Variants in RASAL2 observed in about 807,000 individuals in gnomAD.
RASAL2 encodes ras GTPase-activating protein nGAP.
RASAL2 carries 58 observed loss-of-function variants against 128.9 expected under a neutral mutation model. That is an observed-to-expected ratio of 0.45 (90% confidence interval 0.36 to 0.56). RASAL2 has a LOEUF of 0.56. Among genes scored for constraint, RASAL2 ranks in the 20% least tolerant of loss-of-function variants. RASAL2 has a pLI of 0.00. For missense variants in RASAL2, 1,360 were observed against 1,601.6 expected (o/e 0.85, Z 2.57); for synonymous variants, 561 against 580.8 (o/e 0.97, Z 0.49).
rs553915782 is a variant in RASAL2 at position 178,277,942 on chromosome 1, A to G, written c.203-5622A>G. Among the ~76,000 whole-genome samples the G allele has an allele frequency of 2.9e-4, 44 of 152,290 alleles. No homozygotes were observed. The South Asian group carries it at 5.0e-3, about 17-fold the overall frequency. ...ATAGTGTTACAGTCTCACCAATGCA[A>G]CACAGTGTAGTGTCTGTTATTGTGA... is the stretch of plus-strand genomic sequence containing the variant. On this transcript the variant is annotated intron_variant, in intron 1 of 17. Coordinates refer to ENST00000367649, the MANE Select transcript of RASAL2 (RefSeq NM_170692.4).
intron 3 of RASAL2, chr1:178,341,351 AG>A: frequency 8.9e-7 from 1 of 1,118,472 alleles, no homozygotes; most frequent in Non-Finnish European, 1.2e-6. Flanking sequence ...TGAGTAAGGA[AG>A]GGTGGCTATT....
chr1:178,320,149 G>A (rs1230028251), intron 3 of RASAL2, among the ~76,000 whole-genome samples: 1 of 151,942 alleles, frequency 6.6e-6, no homozygotes. Context: ...CAGTCTGCCG[G>A]TTCTCAGATC....
At chr1:178,387,204 A>C (rs1672627199) in intron 3 of RASAL2, among the ~76,000 whole-genome samples, 1 of 152,142 alleles carries the variant, frequency 6.6e-6, no homozygotes, top group Non-Finnish European at 1.5e-5. Context: ...ACTTCTTTTC[A>C]TTAGGTGATT....
intron 12 of RASAL2, among the ~76,000 whole-genome samples, chr1:178,455,511 A>G (rs1677708990): frequency 6.6e-6 from 1 of 152,248 alleles, no homozygotes; most frequent in Admixed American, 6.5e-5. Context: ...CTATTAACAA[A>G]GACCACTTTG....
intron 1 of RASAL2, among the ~76,000 whole-genome samples, chr1:178,196,641 G>T (rs548694546): frequency 7.9e-5 from 12 of 152,326 alleles, no homozygotes; most frequent in South Asian, 2.1e-4. Context: ...AAGAGGATGT[G>T]CCTGGGCTGT....
chr1:178,353,509 T>C (rs569381638), intron 3 of RASAL2, among the ~76,000 whole-genome samples: 62 of 152,354 alleles, frequency 4.1e-4, no homozygotes, highest in South Asian at 2.5e-3. Flanking sequence ...ATCAGTATTT[T>C]GGTCACAACC....
chr1:178,133,232 T>C (rs1660186558), intron 1 of RASAL2, among the ~76,000 whole-genome samples: 1 of 152,242 alleles, frequency 6.6e-6, no homozygotes, highest in South Asian at 2.1e-4. Flanking sequence ...TTTAGTAAAC[T>C]TGTCTGAGGC....
intron 3 of RASAL2, among the ~76,000 whole-genome samples, chr1:178,322,785 T>C (rs1240306976): frequency 6.6e-6 from 1 of 152,244 alleles, no homozygotes; most frequent in Non-Finnish European, 1.5e-5. Flanking sequence ...TCCACTGATC[T>C]ATAAGATGAG....
chr1:178,363,640 CT>C (rs1340501856), intron 3 of RASAL2, among the ~76,000 whole-genome samples: 1 of 152,166 alleles, frequency 6.6e-6, no homozygotes, highest in African/African-American at 2.4e-5. Context: ...GTCAAATACC[CT>C]GTTCAGATAT....
intron 1 of RASAL2, among the ~76,000 whole-genome samples, chr1:178,231,211 G>A (rs539146664): frequency 2.6e-5 from 4 of 151,836 alleles, no homozygotes; most frequent in Non-Finnish European, 5.9e-5. Flanking sequence ...CACCTGACAT[G>A]CCTGGTGGTC....
At chr1:178,221,210 A>G (rs1031565332) in intron 1 of RASAL2, among the ~76,000 whole-genome samples, 4 of 152,090 alleles carry the variant, frequency 2.6e-5, no homozygotes, top group Non-Finnish European at 4.4e-5. Context: ...CTTATTTACC[A>G]TTTGTATGTC....
At chr1:178,342,452 T>C (rs1373422405) in intron 3 of RASAL2, among the ~76,000 whole-genome samples, 1 of 152,214 alleles carries the variant, frequency 6.6e-6, no homozygotes, top group East Asian at 1.9e-4. Flanking sequence ...ATAGACCAAG[T>C]ACATCATAAA....
chr1:178,327,284 A>T (rs1447045058), intron 3 of RASAL2, among the ~76,000 whole-genome samples: 1 of 152,152 alleles, frequency 6.6e-6, no homozygotes, highest in East Asian at 1.9e-4. Context: ...CTTAGATAAC[A>T]GAAAATTATT....
chr1:178,290,838 G>C (rs1024696416), intron 2 of RASAL2, among the ~76,000 whole-genome samples: 1 of 151,910 alleles, frequency 6.6e-6, no homozygotes, highest in Non-Finnish European at 1.5e-5. Context: ...ACCACGCACG[G>C]CTAATTTTTT....
Position 178,452,495 on chromosome 1 carries a change from G to A in RASAL2, c.1852G>A (p.Glu618Lys), listed in dbSNP as rs370985494. ...GAACCGTGGCAAGCAAGACATCAGC[G>A]AGAGGCTCATCAGTGCCTCATTATT... Reference protein sequence around the residue: ...CLNRGKQDISERLISASLFLR... With the variant: ...CLNRGKQDISKRLISASLFLR... Residue 618 changes from glutamate (E) to lysine (K), a missense_variant, in exon 11 of 18, where the codon GAG becomes AAG. This residue lies in a region of RASAL2 where 741 missense variants were observed against 868.6 expected (regional missense o/e 0.85). Coordinates refer to ENST00000367649, the MANE Select transcript of RASAL2 (RefSeq NM_170692.4). The A allele has an allele frequency of 1.4e-5, 23 of 1,614,078 alleles. No homozygotes were observed. Among genetic ancestry groups the A allele is most frequent in the African/African-American group, 1.2e-4 (9 of 75,014 alleles).
intron 12 of RASAL2, 155 bp from the exon 13 acceptor site, chr1:178,456,566 A>G (rs1466976139): frequency 1.3e-6 from 1 of 775,794 alleles, no homozygotes; most frequent in South Asian, 1.5e-5. Context: ...CTGCTCCATA[A>G]CAATGCATTA....
rs182525434 is a variant in RASAL2 at position 178,167,618 on chromosome 1, C to T, written c.202+72924C>T. Among the ~76,000 whole-genome samples, 22 of 152,162 alleles carry T rather than the reference C, an allele frequency of 1.4e-4. No individual in the cohort carries two copies. In the East Asian group the frequency reaches 2.9e-3, roughly 20 times the overall value. On this transcript the variant is annotated intron_variant, in intron 1 of 17. Coordinates refer to ENST00000367649, the MANE Select transcript of RASAL2 (RefSeq NM_170692.4). The stretch of plus-strand genomic sequence containing the variant: ...CCAAAACTTAACTACTAATAGCCTA[C>T]GGTTGACCCGAAGCCTTACTGATAA...
In RASAL2 at chr1:178,094,180, C is replaced by T; in HGVS notation, c.-313C>T. ...CGAGGAGGTGGGAGGGCGAGCCTCC[C>T]CTCCCGGGTTCTTCTGCGTCCTCTC... On this transcript the variant is annotated 5_prime_UTR_variant, in exon 1 of 18. Coordinates refer to ENST00000367649, the MANE Select transcript of RASAL2 (RefSeq NM_170692.4). The T allele has an allele frequency of 2.6e-6, 1 of 386,666 alleles. No homozygotes were observed. 24.0% of individuals were successfully genotyped at this position (386,666 alleles called of 1,614,324 possible). A position where few individuals can be genotyped will look rare whatever the true frequency, so the allele number is the denominator to read the frequency against.
chr1:178,369,512 A>G (rs936888123), intron 3 of RASAL2, among the ~76,000 whole-genome samples: 67 of 151,948 alleles, frequency 4.4e-4, no homozygotes, highest in African/African-American at 1.5e-3. Flanking sequence ...CATGAGCCAC[A>G]GCACCTGGTC....
Sources: allele counts gnomAD v4.1 joint callset (sites outside exome capture counted in the v4.1 genomes callset), GRCh38; gene constraint gnomAD v4.1.1; regional missense constraint gnomAD v4.1.1; transcripts MANE v1.5; gene names NCBI Gene and HGNC (gene_info 2026-07-23, HGNC 2026-07-21).